RANBP9: variants seen among roughly 807,000 people sequenced by gnomAD.
The protein encoded by RANBP9 is ran-binding protein 9.
Under a neutral mutation model 84.3 loss-of-function variants are expected in RANBP9, and 15 were observed. The ratio of observed to expected loss-of-function variants is 0.18; its 90% CI spans 0.12 to 0.27. The LOEUF is 0.27. Among genes scored for constraint, RANBP9 ranks in the 10% least tolerant of loss-of-function variants. The pLI is 1.00. For synonymous variants in RANBP9, 392 were observed against 349.6 expected (o/e 1.12, Z -1.35); for missense variants, 809 against 912.8 (o/e 0.89, Z 1.46).
chr6:13,676,204 AT>A (rs1765882452), intron 2 of RANBP9, among the ~76,000 whole-genome samples: 1 of 152,112 alleles, frequency 6.6e-6, no homozygotes, highest in East Asian at 1.9e-4. Context: ...AGGGTGTACG[AT>A]ATATTGTGTT....
At chr6:13,634,166 A>G (rs1439083984) in intron 11 of RANBP9, among the ~76,000 whole-genome samples, 1 of 152,226 alleles carries the variant, frequency 6.6e-6, no homozygotes, top group Admixed American at 6.5e-5. Context: ...CAACACCAGT[A>G]AGTCAGTACT....
At chr6:13,693,533 G>A (rs1224907446) in intron 2 of RANBP9, among the ~76,000 whole-genome samples, 1 of 152,032 alleles carries the variant, frequency 6.6e-6, no homozygotes, top group African/African-American at 2.4e-5. Flanking sequence ...GATCACCTGA[G>A]CTCAGGAGTT....
intron 12 of RANBP9, 75 bp from the exon 13 acceptor site, chr6:13,625,839 A>G: frequency 9.1e-7 from 1 of 1,103,320 alleles, no homozygotes; most frequent in Non-Finnish European, 1.4e-6. Context: ...CCAAGTTGAG[A>G]GGTAAAATAT....
At chr6:13,668,990 G>A (rs1256320845) in intron 2 of RANBP9, among the ~76,000 whole-genome samples, 1 of 151,896 alleles carries the variant, frequency 6.6e-6, no homozygotes, top group African/African-American at 2.4e-5. Flanking sequence ...AAATCCTAAA[G>A]AATCTCCTCC....
chr6:13,658,748 G>C (rs767742984), intron 3 of RANBP9, 32 bp downstream of exon 3: 35 of 1,506,744 alleles, frequency 2.3e-5, no homozygotes, highest in Non-Finnish European at 3.0e-5. Context: ...CTACTCATAA[G>C]ACATAATACT....
At position 13,621,666 on chromosome 6, in the gene RANBP9, T is replaced by C. The variant is rs953394471; in HGVS notation, c.*696A>G. ...ATAAATAAAGGTCATAACCACACCGTTGACATGTAATACTGTTATAATACA... is the reference window on the plus strand; with the variant it reads ...ATAAATAAAGGTCATAACCACACCGCTGACATGTAATACTGTTATAATACA... On this transcript the variant is annotated 3_prime_UTR_variant, in exon 14 of 14. Coordinates refer to ENST00000011619, the MANE Select transcript of RANBP9 (RefSeq NM_005493.3). 4.6e-5 allele frequency: 7 copies of C among 152,656 alleles called. No individual in the cohort carries two copies. The highest frequency in any genetic ancestry group is 1.2e-4 in the African/African-American group (5 of 41,472). 9.5% of individuals were successfully genotyped at this position (152,656 alleles called of 1,614,324 possible).
chr6:13,709,120 T>C (rs931006740), intron 1 of RANBP9, among the ~76,000 whole-genome samples: 2 of 152,188 alleles, frequency 1.3e-5, no homozygotes, highest in African/African-American at 2.4e-5. Context: ...CCAACTAATT[T>C]CATATAAACG....
chr6:13,707,987 C>T (rs1758172219), intron 1 of RANBP9, among the ~76,000 whole-genome samples: 1 of 152,224 alleles, frequency 6.6e-6, no homozygotes, highest in Non-Finnish European at 1.5e-5. Flanking sequence ...TTCACATATA[C>T]TATACATACC....
chr6:13,655,376 A>G (rs1389326962), intron 4 of RANBP9, among the ~76,000 whole-genome samples: 1 of 152,198 alleles, frequency 6.6e-6, no homozygotes, highest in East Asian at 1.9e-4. Flanking sequence ...AGGCTGGGGA[A>G]GGAGAATTGC....
intron 2 of RANBP9, among the ~76,000 whole-genome samples, chr6:13,682,080 T>G (rs1393468576): frequency 1.3e-5 from 2 of 152,152 alleles, no homozygotes; most frequent in Admixed American, 6.5e-5. Context: ...CAGGCTGGTC[T>G]CGAACTCCTG....
At chr6:13,623,084 T>A (rs1015683080) in intron 13 of RANBP9, among the ~76,000 whole-genome samples, 26 of 152,116 alleles carry the variant, frequency 1.7e-4, no homozygotes, top group African/African-American at 6.0e-4. Context: ...TTCAGACATT[T>A]AAAAAAATGC....
chr6:13,664,815 C>A (rs574480206), intron 2 of RANBP9, among the ~76,000 whole-genome samples: 1 of 152,102 alleles, frequency 6.6e-6, no homozygotes, highest in Non-Finnish European at 1.5e-5. Flanking sequence ...TCTAAAACAT[C>A]CCAAAAAAGC....
At chr6:13,678,563 A>T (rs964442622) in intron 2 of RANBP9, among the ~76,000 whole-genome samples, 2 of 152,144 alleles carry the variant, frequency 1.3e-5, no homozygotes, top group African/African-American at 2.4e-5. Flanking sequence ...AAATCATTCC[A>T]GAGTCAGGTA....
chr6:13,627,897 T>C (rs920055441), intron 12 of RANBP9, among the ~76,000 whole-genome samples: 2 of 152,052 alleles, frequency 1.3e-5, no homozygotes, highest in Non-Finnish European at 2.9e-5. Flanking sequence ...CACTGTCTAG[T>C]GCAGCAAACC....
chr6:13,676,136 T>C (rs1765880847), intron 2 of RANBP9, among the ~76,000 whole-genome samples: 1 of 152,080 alleles, frequency 6.6e-6, no homozygotes, highest in South Asian at 2.1e-4. Context: ...AATAAATCTA[T>C]TAAATAAAAT....
intron 2 of RANBP9, among the ~76,000 whole-genome samples, chr6:13,666,684 G>A (rs967803855): frequency 1.0e-4 from 15 of 150,456 alleles, no homozygotes; most frequent in African/African-American, 3.7e-4. Context: ...GATCACTTGA[G>A]CCTGAGAGGT....
At chr6:13,668,227 A>C (rs1765695377) in intron 2 of RANBP9, among the ~76,000 whole-genome samples, 1 of 152,114 alleles carries the variant, frequency 6.6e-6, no homozygotes, top group Non-Finnish European at 1.5e-5. Flanking sequence ...GACACAAACT[A>C]CTGAAACTGC....
chr6:13,629,551 A>G (rs1480259688), intron 12 of RANBP9, among the ~76,000 whole-genome samples: 1 of 152,184 alleles, frequency 6.6e-6, no homozygotes, highest in Non-Finnish European at 1.5e-5. Context: ...TTTGGTTTAG[A>G]ATCTGGAGCA....
chr6:13,689,656 T>C (rs1766278591), intron 2 of RANBP9, among the ~76,000 whole-genome samples: 1 of 152,158 alleles, frequency 6.6e-6, no homozygotes, highest in Non-Finnish European at 1.5e-5. Flanking sequence ...ACCACAAAGT[T>C]GCACTCTTCC....
Sources: gnomAD v4.1 joint callset for allele counts (sites outside exome capture counted in the v4.1 genomes callset) on GRCh38, gnomAD v4.1.1 for gene constraint, MANE v1.5 for transcripts, NCBI Gene and HGNC (gene_info 2026-07-23, HGNC 2026-07-21) for gene names.